USH2A: variants seen among roughly 807,000 people sequenced by gnomAD.
The protein encoded by USH2A is usherin, also known as Usher syndrome 2A (autosomal recessive, mild).
Under a neutral mutation model 538.9 loss-of-function variants are expected in USH2A, and 443 were observed. The ratio of observed to expected loss-of-function variants is 0.82; its 90% CI spans 0.76 to 0.89. The LOEUF is 0.89. Among genes scored for constraint, USH2A ranks in the 40% least tolerant of loss-of-function variants. The probability of loss-of-function intolerance (pLI) is 0.00; values close to 1 mark genes in which losing one functional copy is unlikely to be tolerated. For synonymous variants in USH2A, 2,413 were observed against 2,273.5 expected (o/e 1.06, Z -1.75); for missense variants, 6,633 against 6,324.8 (o/e 1.05, Z -1.65).
chr1:216,165,162 T>G (rs750648357), intron 21 of USH2A, among the ~76,000 whole-genome samples: 3 of 152,204 alleles, frequency 2.0e-5, no homozygotes, highest in Non-Finnish European at 2.9e-5. Flanking sequence ...TTTAAAGCAC[T>G]TTCAAGATTA....
chr1:216,066,712 G>T (rs187002938), intron 30 of USH2A, among the ~76,000 whole-genome samples: 1 of 152,056 alleles, frequency 6.6e-6, no homozygotes, highest in South Asian at 2.1e-4. Context: ...AGCAAACAGA[G>T]GTTTATTGAT....
intron 60 of USH2A, among the ~76,000 whole-genome samples, chr1:215,736,960 C>T (rs1405458393): frequency 6.6e-6 from 1 of 151,886 alleles, no homozygotes; most frequent in Non-Finnish European, 1.5e-5. Context: ...TTTTAATTGA[C>T]CCAGTACTTC....
At chr1:216,230,112 T>C (rs984313368) in intron 14 of USH2A, among the ~76,000 whole-genome samples, 5 of 152,104 alleles carry the variant, frequency 3.3e-5, no homozygotes, top group Non-Finnish European at 5.9e-5. Context: ...GGAATGAGTG[T>C]TGCAAGGAGG....
chr1:216,202,918 T>A (rs924618399), intron 16 of USH2A, among the ~76,000 whole-genome samples: 15 of 152,152 alleles, frequency 9.9e-5, no homozygotes, highest in Non-Finnish European at 2.1e-4. Context: ...ACCCCAAGTT[T>A]ACTCTGCTTC....
intron 21 of USH2A, among the ~76,000 whole-genome samples, chr1:216,129,899 A>G (rs2033333156): frequency 6.6e-6 from 1 of 152,082 alleles, no homozygotes; most frequent in Admixed American, 6.6e-5. Context: ...CCAGAAATAA[A>G]TCTGCATATT....
intron 38 of USH2A, among the ~76,000 whole-genome samples, chr1:215,925,609 TA>T (rs1666219224): frequency 6.6e-6 from 1 of 152,142 alleles, no homozygotes; most frequent in Admixed American, 6.6e-5. Context: ...GCTTTTACAT[TA>T]TAAAAAGCAG....
intron 21 of USH2A, among the ~76,000 whole-genome samples, chr1:216,167,574 T>C (rs1045349250): frequency 6.6e-6 from 1 of 152,060 alleles, no homozygotes; most frequent in African/African-American, 2.4e-5. Context: ...GGCAGACTAC[T>C]GTACACGTGG....
intron 62 of USH2A, 145 bp downstream of exon 62, chr1:215,680,004 T>G: frequency 1.3e-6 from 1 of 796,262 alleles, no homozygotes; most frequent in Non-Finnish European, 2.1e-6. Flanking sequence ...TTCTGTGATC[T>G]ATGATTAAGT....
intron 21 of USH2A, among the ~76,000 whole-genome samples, chr1:216,146,576 C>T (rs1571998319): frequency 6.6e-6 from 1 of 152,262 alleles, no homozygotes; most frequent in East Asian, 1.9e-4. Context: ...GCGGCAAGTC[C>T]CGCTTTCCTA....
intron 64 of USH2A, among the ~76,000 whole-genome samples, chr1:215,670,668 A>G (rs1000362248): frequency 6.6e-6 from 1 of 152,190 alleles, no homozygotes; most frequent in Non-Finnish European, 1.5e-5. Flanking sequence ...GTCTCCTACC[A>G]AGGCAACGCT....
chr1:216,414,033 G>T (rs2039536368), intron 3 of USH2A, among the ~76,000 whole-genome samples: 1 of 152,016 alleles, frequency 6.6e-6, no homozygotes, highest in Non-Finnish European at 1.5e-5. Context: ...AAATGCTAAA[G>T]TAAATTTTTT....
chr1:216,138,848 GAAT>G (rs2033540608), intron 21 of USH2A, among the ~76,000 whole-genome samples: 1 of 151,976 alleles, frequency 6.6e-6, no homozygotes, highest in Non-Finnish European at 1.5e-5. Context: ...AACAGCTGAT[GAAT>G]TTCCCACTTA....
intron 20 of USH2A, among the ~76,000 whole-genome samples, chr1:216,179,483 G>C (rs1177111803): frequency 6.6e-6 from 1 of 152,008 alleles, no homozygotes; most frequent in Non-Finnish European, 1.5e-5. Flanking sequence ...AATAGAACTA[G>C]AGTACATTTT....
At chr1:215,795,436 A>G (rs1662098960) in intron 50 of USH2A, among the ~76,000 whole-genome samples, 2 of 152,180 alleles carry the variant, frequency 1.3e-5, no homozygotes. Flanking sequence ...TAAGTTCTTG[A>G]GGATAAAAAC....
At chr1:216,142,029 C>T (rs2033613533) in intron 21 of USH2A, among the ~76,000 whole-genome samples, 1 of 150,118 alleles carries the variant, frequency 6.7e-6, no homozygotes, top group Non-Finnish European at 1.5e-5. Context: ...CCAAAAACAA[C>T]ACACATTTCC....
intron 61 of USH2A, among the ~76,000 whole-genome samples, chr1:215,681,262 G>A (rs1658220275): frequency 6.6e-6 from 1 of 151,912 alleles, no homozygotes; most frequent in Non-Finnish European, 1.5e-5. Flanking sequence ...GAAAGGATAT[G>A]TCCTTTTAAA....
intron 44 of USH2A, among the ~76,000 whole-genome samples, chr1:215,862,644 A>C (rs1220573636): frequency 6.6e-6 from 1 of 152,172 alleles, no homozygotes; most frequent in African/African-American, 2.4e-5. Context: ...TTCCCCTTTT[A>C]TATATTATAT....
intron 8 of USH2A, among the ~76,000 whole-genome samples, chr1:216,322,742 T>G (rs2037642963): frequency 6.6e-6 from 1 of 152,198 alleles, no homozygotes; most frequent in Admixed American, 6.5e-5. Context: ...TTGTTCATTA[T>G]GCTATGACTT....
chr1:215,650,716 G>C lies in USH2A; in HGVS notation c.14219C>G (p.Ala4740Gly). The C allele has an allele frequency of 6.2e-7, 1 of 1,614,048 alleles. No individual in the cohort carries two copies. Among genetic ancestry groups the C allele is most frequent in the Non-Finnish European group, 8.5e-7 (1 of 1,180,006 alleles). ...AGAAGAGATCACATGGAACGTGGGG[G>C]CTCTGAGACCTTCTGGTGGGGCTGG... is the stretch of plus-strand genomic sequence containing the variant. ...TGPAPPEGLR[A>G]PTFHVISSTQ... Residue 4740 changes from alanine (A) to glycine (G), a missense_variant, in exon 65 of 72, where the codon GCC (alanine) becomes GGC (glycine). Coordinates refer to ENST00000307340, the MANE Select transcript of USH2A (RefSeq NM_206933.4).
Sources: allele counts gnomAD v4.1 joint callset (sites outside exome capture counted in the v4.1 genomes callset), GRCh38; gene constraint gnomAD v4.1.1; transcripts MANE v1.5; gene names NCBI Gene and HGNC (gene_info 2026-07-23, HGNC 2026-07-21).